Variants in ZC3H11A observed in about 807,000 individuals in gnomAD.
ZC3H11A encodes the protein zinc finger CCCH domain-containing protein 11A.
A neutral mutation model predicts 90.8 loss-of-function variants in ZC3H11A; 22 were observed. The observed-to-expected ratio is 0.24, with a 90% CI of 0.17 to 0.35. ZC3H11A has a LOEUF of 0.35. Among genes scored for constraint, ZC3H11A ranks in the 10% least tolerant of loss-of-function variants. ZC3H11A has a pLI of 1.00. For synonymous variants in ZC3H11A, 294 were observed against 339.8 expected (o/e 0.87, Z 1.48); for missense variants, 701 against 964.9 (o/e 0.73, Z 3.62).
chr1:203,798,170 A>G (rs1669267050), intron 1 of ZC3H11A: 3 of 1,536,152 alleles, frequency 2.0e-6, no homozygotes, highest in Admixed American at 3.9e-5. Flanking sequence ...GAAGCTTTGA[A>G]TATATTCCTA....
rs551351104 is a variant in ZC3H11A, at chr1:203,837,894, G to C, written c.875-72G>C. On this transcript the variant is annotated intron_variant, in intron 10 of 17. Coordinates refer to ENST00000367210, the MANE Select transcript of ZC3H11A (RefSeq NM_001376342.1). ...TTAACAGAATTATGCTATGTTGTCT[G>C]TTTTTGTTTGTATTTCTTGTCCTTG... 29 of 1,434,170 alleles carry C rather than the reference G, an allele frequency of 2.0e-5. No homozygotes were observed. The African/African-American group carries it at 4.0e-4, about 20-fold the overall frequency. 88.8% of individuals were successfully genotyped at this position (1,434,170 alleles called of 1,614,324 possible). A position where few individuals can be genotyped will look rare whatever the true frequency, so the allele number is the denominator to read the frequency against.
chr1:203,798,821 T>G, intron 1 of ZC3H11A: 1 of 1,536,158 alleles, frequency 6.5e-7, no homozygotes, highest in Non-Finnish European at 8.7e-7. Context: ...CCCCAGCCTT[T>G]CAGAGGTTCA....
intron 2 of ZC3H11A, among the ~76,000 whole-genome samples, chr1:203,806,864 A>C (rs1371796431): frequency 7.4e-6 from 1 of 135,880 alleles, no homozygotes; most frequent in African/African-American, 2.8e-5. Context: ...TTACTTGATA[A>C]AGACTACTTC....
At chr1:203,822,817 A>G (rs1475866200) in intron 4 of ZC3H11A, among the ~76,000 whole-genome samples, 1 of 152,064 alleles carries the variant, frequency 6.6e-6, no homozygotes, top group Non-Finnish European at 1.5e-5. Flanking sequence ...GTCAGACTCC[A>G]ATACCCTGCT....
intron 4 of ZC3H11A, among the ~76,000 whole-genome samples, chr1:203,820,378 T>G (rs1021844277): frequency 1.3e-5 from 2 of 152,114 alleles, no homozygotes; most frequent in Non-Finnish European, 2.9e-5. Context: ...GGGAAATTGT[T>G]TTTAAGAATG....
intron 2 of ZC3H11A, among the ~76,000 whole-genome samples, chr1:203,811,673 T>A (rs1211973584): frequency 6.6e-6 from 1 of 152,198 alleles, no homozygotes; most frequent in Non-Finnish European, 1.5e-5. Context: ...CACGCCTGGC[T>A]AATTTTTTGT....
chr1:203,830,949 T>C (rs1682111464), intron 8 of ZC3H11A, among the ~76,000 whole-genome samples: 1 of 108,482 alleles, frequency 9.2e-6, no homozygotes, highest in Non-Finnish European at 1.9e-5. Flanking sequence ...TTTTTTTTTT[T>C]TTTTTTTTTT....
rs1387439990 is a variant in ZC3H11A at position 203,829,495 on chromosome 1, G to A, written c.343G>A (p.Ala115Thr). The A allele has an allele frequency of 1.2e-6, 2 of 1,613,944 alleles. No individual in the cohort carries two copies. The highest frequency in any genetic ancestry group is 3.3e-5 in the Admixed American group (2 of 59,994). ...TGAGTCACCAGAAGAGGAAGTGAAGGCTAGCCAACTTTCAGTTCAGCAGAA... is the reference window on the plus strand; with the variant it reads ...TGAGTCACCAGAAGAGGAAGTGAAGACTAGCCAACTTTCAGTTCAGCAGAA... ...VPESPEEEVK[A>T]SQLSVQQNKL... is the part of the protein sequence containing the mutation. The change falls in exon 6 of 18, where the codon GCT (alanine) becomes ACT (threonine). Residue 115 changes from alanine to threonine, a missense_variant. Transcript: ENST00000367210.
chr1:203,834,966 T>G (rs866700977), intron 10 of ZC3H11A, among the ~76,000 whole-genome samples: 2 of 152,242 alleles, frequency 1.3e-5, no homozygotes, highest in Non-Finnish European at 2.9e-5. Context: ...TTTGAAAATT[T>G]TTTCTGACTT....
Position 203,851,105 on chromosome 1 carries a change from G to T in ZC3H11A, c.2155G>T (p.Ala719Ser). 1.2e-6 allele frequency: 2 copies of T among 1,614,182 alleles called. No individual in the cohort carries two copies. The highest frequency in any genetic ancestry group is 1.7e-6 in the Non-Finnish European group (2 of 1,180,028). The change falls in exon 17 of 18, where the codon GCA becomes TCA. Residue 719 changes from alanine (A) to serine (S), a missense_variant. Ala to Ser is a moderately conservative substitution (Grantham distance 99, BLOSUM62 1). This residue lies in a region of ZC3H11A where 91 missense variants were observed against 86.8 expected (regional missense o/e 1.05). Coordinates refer to ENST00000367210, the MANE Select transcript of ZC3H11A (RefSeq NM_001376342.1). ...GGACAAATCAGTCACTGTGCCTGAA[G>T]CAGAAAATCCTAGAGACAGGTAATA... ...SEDKSVTVPE[A>S]ENPRDSLVLP...
chr1:203,829,693 A>G, intron 6 of ZC3H11A, 39 bp downstream of exon 6: 1 of 1,613,032 alleles, frequency 6.2e-7, no homozygotes, highest in Non-Finnish European at 8.5e-7. Context: ...GCAAATAAAT[A>G]GGGTCTCATA....
chr1:203,848,508 T>C (rs1688482341), intron 14 of ZC3H11A, 101 bp downstream of exon 14: 1 of 810,520 alleles, frequency 1.2e-6, no homozygotes, highest in Non-Finnish European at 2.0e-6. Flanking sequence ...CATTCATATA[T>C]TAGGTAAACA....
At chr1:203,816,841 T>C in intron 2 of ZC3H11A, 85 bp from the exon 3 acceptor site, 1 of 447,340 alleles carries the variant, frequency 2.2e-6, no homozygotes, top group South Asian at 4.9e-5. Flanking sequence ...AATTTGACTC[T>C]AGCAATACGA....
At chr1:203,806,078 C>T in intron 2 of ZC3H11A, 1 of 508,396 alleles carries the variant, frequency 2.0e-6, no homozygotes, top group South Asian at 1.6e-5. Flanking sequence ...ACTCGCAAGG[C>T]TTTCTGCGTA....
intron 4 of ZC3H11A, among the ~76,000 whole-genome samples, chr1:203,821,860 C>T (rs909791175): frequency 6.6e-6 from 1 of 151,970 alleles, no homozygotes; most frequent in African/African-American, 2.4e-5. Context: ...TTGGTTCACA[C>T]CATTCTCCTG....
intron 2 of ZC3H11A, among the ~76,000 whole-genome samples, chr1:203,811,514 CTT>C (rs553843746): frequency 6.6e-6 from 1 of 151,450 alleles, no homozygotes; most frequent in African/African-American, 2.4e-5. Context: ...CCCTTAAAAA[CTT>C]TTTTTTTCTG....
Position 203,853,573 on chromosome 1 carries a change from A to G in ZC3H11A, c.*1174A>G, listed in dbSNP as rs1689667874. 6.6e-6 allele frequency: 1 copy of G among 152,638 alleles called. No homozygotes were observed. Among genetic ancestry groups the G allele is most frequent in the African/African-American group, 2.4e-5 (1 of 41,462 alleles). 9.5% of individuals were successfully genotyped at this position (152,638 alleles called of 1,614,324 possible). A position where few individuals can be genotyped will look rare whatever the true frequency, so the allele number is the denominator to read the frequency against. Reference sequence around the variant, plus strand: ...TTGTATATAATCAGGAGGAAGAGGAAGGAAGGACTTACCCATTTTGATATT... The same window carrying G: ...TTGTATATAATCAGGAGGAAGAGGAGGGAAGGACTTACCCATTTTGATATT... On this transcript the variant is annotated 3_prime_UTR_variant, in exon 18 of 18. Transcript: ENST00000367210.
intron 4 of ZC3H11A, among the ~76,000 whole-genome samples, chr1:203,821,762 G>GTT (rs201404414): frequency 4.2e-5 from 6 of 141,662 alleles, no homozygotes; most frequent in South Asian, 2.3e-4. Flanking sequence ...TTTTGGTTTT[G>GTT]TTTTTTTTTT....
At chr1:203,839,786 C>T (rs1057142604) in intron 11 of ZC3H11A, among the ~76,000 whole-genome samples, 17 of 151,780 alleles carry the variant, frequency 1.1e-4, no homozygotes, top group Admixed American at 2.6e-4. Flanking sequence ...ATATAAAGTA[C>T]GTTTTTCTTT....
Sources: gnomAD v4.1 joint callset for allele counts (sites outside exome capture counted in the v4.1 genomes callset) on GRCh38, gnomAD v4.1.1 for gene constraint, gnomAD v4.1.1 regional missense constraint, MANE v1.5 for transcripts, NCBI Gene and HGNC (gene_info 2026-07-23, HGNC 2026-07-21) for gene names.